Variants in BICC1 observed in about 807,000 individuals in gnomAD.
BICC1 encodes the protein protein bicaudal C homolog 1.
In BICC1, 43 loss-of-function variants were observed where a neutral mutation model predicts 111.0. The observed-to-expected ratio is 0.39, with a 90% CI of 0.30 to 0.50. BICC1 has a LOEUF of 0.50. BICC1 is among the 20% of genes least tolerant of loss of function. BICC1 has a pLI of 0.88. For synonymous variants in BICC1, 467 were observed against 434.4 expected (o/e 1.07, Z -0.93); for missense variants, 1,091 against 1,203.2 (o/e 0.91, Z 1.38).
intron 2 of BICC1, among the ~76,000 whole-genome samples, chr10:58,693,884 T>A (rs957120273): frequency 3.9e-5 from 6 of 152,210 alleles, no homozygotes; most frequent in Non-Finnish European, 5.9e-5. Flanking sequence ...CATTTGTCAA[T>A]TTTGGCTTTT....
chr10:58,806,546 G>C (rs752440968), intron 15 of BICC1, 38 bp from the exon 16 acceptor site: 2 of 1,586,134 alleles, frequency 1.3e-6, no homozygotes, highest in Admixed American at 1.7e-5. Context: ...GACATTTGGA[G>C]AGACTGTCAA....
chr10:58,830,828 T>C lies in BICC1; in HGVS notation c.*1937T>C, dbSNP rs994311138. On this transcript the variant is annotated 3_prime_UTR_variant, in exon 21 of 21. Transcript: ENST00000373886. ...TGTGATGATCATCCATCTTATTTGA[T>C]TGTATTAATGCATCATGCTAAACAT... 16 of 152,220 alleles carry C rather than the reference T, an allele frequency of 1.1e-4. No homozygotes were observed. Among genetic ancestry groups the C allele is most frequent in the African/African-American group, 3.6e-4 (15 of 41,474 alleles). The allele number at this position is 152,220 out of a possible 1,614,324, so 9.4% of individuals were successfully genotyped here. A position where few individuals can be genotyped will look rare whatever the true frequency, so the allele number is the denominator to read the frequency against.
chr10:58,534,837 A>T (rs1372431053), intron 1 of BICC1, among the ~76,000 whole-genome samples: 1 of 46,092 alleles, frequency 2.2e-5, no homozygotes, highest in Non-Finnish European at 6.4e-5. Context: ...AACACAAATT[A>T]AAAAAAAATT....
intron 1 of BICC1, among the ~76,000 whole-genome samples, chr10:58,527,603 G>A (rs1842578809): frequency 6.6e-6 from 1 of 150,774 alleles, no homozygotes; most frequent in Non-Finnish European, 1.5e-5. Flanking sequence ...TTTTGTATAA[G>A]GTGTAAGGAA....
intron 2 of BICC1, among the ~76,000 whole-genome samples, chr10:58,676,496 C>T (rs1356876998): frequency 1.3e-5 from 2 of 152,190 alleles, no homozygotes; most frequent in African/African-American, 4.8e-5. Flanking sequence ...AGATTCCTCT[C>T]TAGATTCCTC....
chr10:58,559,794 T>C (rs945636836), intron 1 of BICC1, among the ~76,000 whole-genome samples: 3 of 152,142 alleles, frequency 2.0e-5, no homozygotes, highest in African/African-American at 7.2e-5. Context: ...ATTTTTATCA[T>C]GAAGGGATGT....
At chr10:58,770,122 A>G (rs1420308806) in intron 3 of BICC1, among the ~76,000 whole-genome samples, 1 of 152,128 alleles carries the variant, frequency 6.6e-6, no homozygotes, top group Non-Finnish European at 1.5e-5. Context: ...GAAGTGTTGC[A>G]TAAAACTCCT....
rs193060609 is a variant in BICC1 at position 58,627,845 on chromosome 10, A to G, written c.237+6944A>G. ...ATATATAAAGATATTCATTGTCACAATATTGTAATAATTAAAATAAAATTA... is the reference window on the plus strand; with the variant it reads ...ATATATAAAGATATTCATTGTCACAGTATTGTAATAATTAAAATAAAATTA... On this transcript the variant is annotated intron_variant, in intron 2 of 20. Transcript: ENST00000373886. Among the ~76,000 whole-genome samples, 10 of 152,342 alleles carry G rather than the reference A, an allele frequency of 6.6e-5. No individual in the cohort carries two copies. The East Asian group carries it at 1.7e-3, about 26-fold the overall frequency.
At chr10:58,558,459 T>C (rs185015756) in intron 1 of BICC1, among the ~76,000 whole-genome samples, 1 of 152,110 alleles carries the variant, frequency 6.6e-6, no homozygotes, top group African/African-American at 2.4e-5. Flanking sequence ...GCTGGTTCAA[T>C]TGTATGATTA....
intron 1 of BICC1, among the ~76,000 whole-genome samples, chr10:58,581,694 C>T (rs1428832817): frequency 1.3e-5 from 2 of 152,072 alleles, no homozygotes; most frequent in Non-Finnish European, 2.9e-5. Flanking sequence ...TCGGTTTTTC[C>T]TAGACGCAAT....
intron 1 of BICC1, among the ~76,000 whole-genome samples, chr10:58,523,285 A>G (rs1311613491): frequency 2.6e-5 from 4 of 152,224 alleles, no homozygotes; most frequent in Admixed American, 6.5e-5. Context: ...CCTGATGAAC[A>G]TCGATGCAAA....
intron 2 of BICC1, among the ~76,000 whole-genome samples, chr10:58,692,969 T>C (rs2132416386): frequency 6.6e-6 from 1 of 152,228 alleles, no homozygotes; most frequent in South Asian, 2.1e-4. Flanking sequence ...CATTAGCTCG[T>C]CATTTAGCAT....
intron 10 of BICC1, 78 bp from the exon 11 acceptor site, chr10:58,798,321 C>T: frequency 9.3e-7 from 1 of 1,072,174 alleles, no homozygotes; most frequent in Non-Finnish European, 1.3e-6. Context: ...TGTGCATTCC[C>T]AATGGCAATA....
chr10:58,677,301 C>T (rs536648040), intron 2 of BICC1, among the ~76,000 whole-genome samples: 5 of 152,278 alleles, frequency 3.3e-5, no homozygotes, highest in African/African-American at 1.2e-4. Context: ...AGCTGAGAAC[C>T]TTGTTAAAGG....
At chr10:58,634,056 G>A (rs886348360) in intron 2 of BICC1, among the ~76,000 whole-genome samples, 2 of 142,952 alleles carry the variant, frequency 1.4e-5, no homozygotes, top group Admixed American at 7.4e-5. Context: ...GTGCAATGGC[G>A]CAATGTCAGC....
At chr10:58,685,369 G>C (rs1442633424) in intron 2 of BICC1, among the ~76,000 whole-genome samples, 2 of 152,242 alleles carry the variant, frequency 1.3e-5, no homozygotes, top group Non-Finnish European at 1.5e-5. Context: ...GAGCTCTGTA[G>C]ATGTCTATTA....
chr10:58,702,838 T>C (rs1840278954), intron 3 of BICC1, among the ~76,000 whole-genome samples: 1 of 152,232 alleles, frequency 6.6e-6, no homozygotes. Context: ...CAGATGCATG[T>C]AGTTGTCAGG....
intron 1 of BICC1, among the ~76,000 whole-genome samples, chr10:58,557,433 C>G (rs1843483011): frequency 6.6e-6 from 1 of 151,508 alleles, no homozygotes; most frequent in African/African-American, 2.4e-5. Context: ...TAATTTTAAC[C>G]ATTATTTATT....
chr10:58,719,746 T>C (rs370252031), intron 3 of BICC1, among the ~76,000 whole-genome samples: 1 of 152,240 alleles, frequency 6.6e-6, no homozygotes, highest in Non-Finnish European at 1.5e-5. Context: ...TGATAAATTA[T>C]GAGTTAAAGT....
Sources: allele counts gnomAD v4.1 joint callset (sites outside exome capture counted in the v4.1 genomes callset), GRCh38; gene constraint gnomAD v4.1.1; transcripts MANE v1.5; gene names NCBI Gene and HGNC (gene_info 2026-07-23, HGNC 2026-07-21).